Variants in PTPRT observed in about 807,000 individuals in gnomAD.
PTPRT encodes the protein protein tyrosine phosphatase receptor type T.
In PTPRT, 56 loss-of-function variants were observed where a neutral mutation model predicts 176.8. The ratio of observed to expected loss-of-function variants is 0.32; its 90% CI spans 0.26 to 0.40. The LOEUF is 0.40. Ranked by LOEUF, PTPRT falls within the 10% of genes least tolerant of loss-of-function variation. The pLI is 1.00. For missense variants in PTPRT, 1,540 were observed against 1,908.2 expected, an observed-to-expected ratio of 0.81 and a Z score of 3.60; for synonymous variants, 783 against 739.0, an observed-to-expected ratio of 1.06 and a Z score of -0.96.
intron 8 of PTPRT, among the ~76,000 whole-genome samples, chr20:42,450,843 A>G (rs1309852903): frequency 6.6e-6 from 1 of 152,256 alleles, no homozygotes; most frequent in Non-Finnish European, 1.5e-5. Flanking sequence ...AAAGAGAGAC[A>G]GACATTAAGC....
chr20:42,110,799 C>G (rs1986942815), intron 22 of PTPRT, among the ~76,000 whole-genome samples: 1 of 151,820 alleles, frequency 6.6e-6, no homozygotes, highest in South Asian at 2.1e-4. Flanking sequence ...CCTAGGGGAT[C>G]GTCTTTGACA....
At chr20:42,402,078 C>T (rs2058913804) in intron 9 of PTPRT, among the ~76,000 whole-genome samples, 1 of 151,924 alleles carries the variant, frequency 6.6e-6, no homozygotes, top group Admixed American at 6.6e-5. Flanking sequence ...GCACATTCTG[C>T]CAGGTGAAGG....
At chr20:42,996,006 T>G (rs1298795989) in intron 1 of PTPRT, among the ~76,000 whole-genome samples, 2 of 152,112 alleles carry the variant, frequency 1.3e-5, no homozygotes, top group South Asian at 2.1e-4. Context: ...ATTATTTTTT[T>G]TGTTTGTTTA....
chr20:42,721,765 T>C (rs1430935839), intron 6 of PTPRT, among the ~76,000 whole-genome samples: 2 of 152,318 alleles, frequency 1.3e-5, no homozygotes, highest in Non-Finnish European at 2.9e-5. Flanking sequence ...GCCATGTGCA[T>C]CCATGCACGC....
the PTPRT span, among the ~76,000 whole-genome samples, chr20:42,045,756 A>C: frequency 6.6e-6 from 1 of 152,198 alleles, no homozygotes; most frequent in Admixed American, 6.5e-5. Flanking sequence ...TAAAGCCAGG[A>C]TTCATACCTG....
At chr20:42,209,389 T>C (rs2055560034) in intron 15 of PTPRT, among the ~76,000 whole-genome samples, 1 of 151,690 alleles carries the variant, frequency 6.6e-6, no homozygotes, top group Non-Finnish European at 1.5e-5. Flanking sequence ...ACAAAATTGA[T>C]AGACTGCTAG....
chr20:42,651,899 T>A (rs1569056603), intron 7 of PTPRT, among the ~76,000 whole-genome samples: 1 of 151,850 alleles, frequency 6.6e-6, no homozygotes, highest in African/African-American at 2.4e-5. Flanking sequence ...CTAAAAAAAA[T>A]TAGCTGGGCT....
At chr20:43,018,199 A>G (rs1195318277) in intron 1 of PTPRT, among the ~76,000 whole-genome samples, 3 of 152,224 alleles carry the variant, frequency 2.0e-5, no homozygotes, top group Non-Finnish European at 4.4e-5. Context: ...TTACCATGTT[A>G]TCTATTTAAG....
chr20:43,022,523 T>C (rs1454211594), intron 1 of PTPRT, among the ~76,000 whole-genome samples: 1 of 152,220 alleles, frequency 6.6e-6, no homozygotes, highest in Non-Finnish European at 1.5e-5. Flanking sequence ...TCTAAGGTGA[T>C]GGTACACCAG....
chr20:43,187,488 A>C (rs973347245), intron 1 of PTPRT, among the ~76,000 whole-genome samples: 4 of 151,908 alleles, frequency 2.6e-5, no homozygotes, highest in African/African-American at 9.7e-5. Context: ...AAAAAAATCT[A>C]ATTTAGATGG....
At chr20:42,578,285 T>A (rs1185152317) in intron 7 of PTPRT, among the ~76,000 whole-genome samples, 2 of 152,110 alleles carry the variant, frequency 1.3e-5, no homozygotes, top group African/African-American at 4.8e-5. Flanking sequence ...AATCCTCATC[T>A]CAATCTCCCA....
At chr20:42,071,986 G>A (rs6016677), downstream of PTPRT, among the ~76,000 whole-genome samples, 48,087 of 152,144 alleles carry the variant, frequency 0.32, 7,858 homozygotes, top group Non-Finnish European at 0.36. Context: ...AAAATTGAGA[G>A]GAGGGGTCTA....
intron 7 of PTPRT, among the ~76,000 whole-genome samples, chr20:42,653,660 T>G (rs999967195): frequency 1.3e-5 from 2 of 152,208 alleles, no homozygotes; most frequent in African/African-American, 4.8e-5. Flanking sequence ...CTGGAATATT[T>G]TTGTCATAAA....
At chr20:43,079,048 G>C (rs543132394) in intron 1 of PTPRT, among the ~76,000 whole-genome samples, 1 of 152,084 alleles carries the variant, frequency 6.6e-6, no homozygotes, top group African/African-American at 2.4e-5. Context: ...TGTATACTTT[G>C]AACCCAGATA....
At chr20:42,928,533 G>A (rs1031609157) in intron 1 of PTPRT, among the ~76,000 whole-genome samples, 5 of 152,308 alleles carry the variant, frequency 3.3e-5, no homozygotes, top group Admixed American at 1.3e-4. Flanking sequence ...GAGTGACAAT[G>A]CAGAGGGAGA....
intron 1 of PTPRT, among the ~76,000 whole-genome samples, chr20:42,904,543 C>T (rs958812453): frequency 2.0e-5 from 3 of 152,128 alleles, no homozygotes; most frequent in South Asian, 2.1e-4. Context: ...GAGGTGAAAA[C>T]CTTCCACAGA....
intron 16 of PTPRT, among the ~76,000 whole-genome samples, chr20:42,174,603 C>T (rs1273035733): frequency 1.3e-5 from 2 of 152,190 alleles, no homozygotes; most frequent in African/African-American, 2.4e-5. Context: ...GCCAGCAACT[C>T]GGACAGTCTT....
intron 4 of PTPRT, among the ~76,000 whole-genome samples, chr20:42,778,352 G>A (rs1463914589): frequency 6.6e-6 from 1 of 152,174 alleles, no homozygotes; most frequent in East Asian, 1.9e-4. Context: ...TCAAGGTTGG[G>A]CATCAGGACG....
chr20:42,067,769 G>A (rs1982130556), downstream of PTPRT, among the ~76,000 whole-genome samples: 1 of 152,162 alleles, frequency 6.6e-6, no homozygotes, highest in Non-Finnish European at 1.5e-5. Context: ...TTGGACATCT[G>A]GCGGCCCTCT....
Sources: allele counts gnomAD v4.1 joint callset (sites outside exome capture counted in the v4.1 genomes callset), GRCh38; gene constraint gnomAD v4.1.1; transcripts MANE v1.5; gene names NCBI Gene and HGNC (gene_info 2026-07-23, HGNC 2026-07-21).